PDIA5: variants seen among roughly 807,000 people sequenced by gnomAD.
PDIA5 encodes protein disulfide-isomerase A5.
Under a neutral mutation model 77.6 loss-of-function variants are expected in PDIA5, and 58 were observed. The observed-to-expected ratio is 0.75, with a 90% CI of 0.61 to 0.93. PDIA5 has a LOEUF of 0.93. Among genes scored for constraint, PDIA5 ranks in the 40% least tolerant of loss-of-function variants. The probability of loss-of-function intolerance (pLI) is 0.00; values close to 1 mark genes in which losing one functional copy is unlikely to be tolerated. For synonymous variants in PDIA5, 250 were observed against 252.1 expected (o/e 0.99, Z 0.08); for missense variants, 630 against 647.7 (o/e 0.97, Z 0.30).
chr3:123,072,952 T>TG (rs1560490999), intron 1 of PDIA5, among the ~76,000 whole-genome samples: 1 of 104,378 alleles, frequency 9.6e-6, no homozygotes, highest in African/African-American at 4.1e-5. Context: ...GTATGTGGTG[T>TG]TGTTGTTTTT....
intron 14 of PDIA5, among the ~76,000 whole-genome samples, chr3:123,152,855 CA>C (rs1252871624): frequency 5.9e-5 from 9 of 152,164 alleles, no homozygotes; most frequent in Non-Finnish European, 1.2e-4. Flanking sequence ...CTTCTCAGGC[CA>C]GCTTGGCGGA....
chr3:123,105,731 A>AC (rs1285053975), intron 5 of PDIA5, among the ~76,000 whole-genome samples: 1 of 37,144 alleles, frequency 2.7e-5, no homozygotes, highest in Admixed American at 2.4e-4. Flanking sequence ...ATCTCAGGCC[A>AC]CACACACGCA....
At chr3:123,154,034 A>AG (rs1336176166) in intron 14 of PDIA5, among the ~76,000 whole-genome samples, 1 of 151,858 alleles carries the variant, frequency 6.6e-6, no homozygotes, top group Non-Finnish European at 1.5e-5. Context: ...CTGAGAGAGG[A>AG]GGGGGGTTTG....
intron 8 of PDIA5, among the ~76,000 whole-genome samples, chr3:123,119,354 G>A (rs1332613409): frequency 1.3e-5 from 2 of 152,198 alleles, no homozygotes; most frequent in Admixed American, 6.5e-5. Flanking sequence ...AGTCAGGGGC[G>A]TTGTCTGCAA....
At chr3:123,078,216 A>G (rs770657455) in intron 1 of PDIA5, among the ~76,000 whole-genome samples, 8 of 152,240 alleles carry the variant, frequency 5.3e-5, no homozygotes, top group Non-Finnish European at 7.3e-5. Flanking sequence ...TAGTTATGAA[A>G]AAAACCAAAC....
intron 7 of PDIA5, among the ~76,000 whole-genome samples, chr3:123,115,666 C>A (rs536612918): frequency 1.1e-3 from 162 of 152,350 alleles, no homozygotes; most frequent in African/African-American, 3.6e-3. Context: ...GACGCTCTTC[C>A]CACAGGCCAG....
chr3:123,069,033 G>A (rs143214760), intron 1 of PDIA5, among the ~76,000 whole-genome samples: 7 of 152,200 alleles, frequency 4.6e-5, no homozygotes, highest in Non-Finnish European at 8.8e-5. Flanking sequence ...GAAAGCACTA[G>A]AACCTGGGAG....
intron 1 of PDIA5, among the ~76,000 whole-genome samples, chr3:123,071,988 T>C (rs992488643): frequency 1.3e-5 from 2 of 151,970 alleles, no homozygotes; most frequent in African/African-American, 2.4e-5. Context: ...GGAGTAAGAC[T>C]GAAAAAGTGG....
chr3:123,091,041 G>C (rs747816085), intron 2 of PDIA5, among the ~76,000 whole-genome samples: 31 of 152,138 alleles, frequency 2.0e-4, no homozygotes, highest in African/African-American at 7.2e-4. Context: ...GTTAGGGCAG[G>C]GGGTACTTTA....
chr3:123,129,983 C>G (rs914878248), intron 10 of PDIA5, among the ~76,000 whole-genome samples: 1 of 152,170 alleles, frequency 6.6e-6, no homozygotes, highest in East Asian at 1.9e-4. Flanking sequence ...TAGATCTGAT[C>G]TTTCTGAGAT....
chr3:123,151,734 TCCTG>T (rs67239583), intron 14 of PDIA5, among the ~76,000 whole-genome samples: 5,554 of 111,294 alleles, frequency 0.05, 375 homozygotes, highest in African/African-American at 0.18. Context: ...ACTCCTTCCT[TCCTG>T]CCTGCCTGCC....
At chr3:123,112,536 T>C (rs919754546) in intron 7 of PDIA5, among the ~76,000 whole-genome samples, 1 of 23,204 alleles carries the variant, frequency 4.3e-5, no homozygotes, top group African/African-American at 1.3e-4. Flanking sequence ...GCCCTATTCT[T>C]TTTTTTTTTT....
In PDIA5 at chr3:123,126,864, G is replaced by A. The variant is rs1221310193; in HGVS notation, c.773+2521G>A. Among the ~76,000 whole-genome samples, 4 of 152,244 alleles carry A rather than the reference G, an allele frequency of 2.6e-5. No individual in the cohort carries two copies. The East Asian group carries it at 7.7e-4, about 29-fold the overall frequency. ...GGGAAGGGTGGCACCAGGTGAGGCAGGGCAGGGAGTCAGCCCCTGGCATCT... is the reference window on the plus strand; with the variant it reads ...GGGAAGGGTGGCACCAGGTGAGGCAAGGCAGGGAGTCAGCCCCTGGCATCT... On this transcript the variant is annotated intron_variant, in intron 10 of 16. Coordinates refer to ENST00000316218, the MANE Select transcript of PDIA5 (RefSeq NM_006810.4).
At chr3:123,091,364 G>C (rs189142273) in intron 2 of PDIA5, among the ~76,000 whole-genome samples, 1 of 152,116 alleles carries the variant, frequency 6.6e-6, no homozygotes, top group Non-Finnish European at 1.5e-5. Context: ...GGTTTTTGGC[G>C]GGAGAAAGCA....
chr3:123,151,947 G>T (rs1440799209), intron 14 of PDIA5, among the ~76,000 whole-genome samples: 19 of 118,866 alleles, frequency 1.6e-4, no homozygotes, highest in South Asian at 5.7e-4. Flanking sequence ...CTTCCTGCCT[G>T]CCTTCCTTCC....
At chr3:123,096,200 T>G (rs1934433865) in intron 3 of PDIA5, among the ~76,000 whole-genome samples, 2 of 152,034 alleles carry the variant, frequency 1.3e-5, no homozygotes, top group South Asian at 4.2e-4. Flanking sequence ...CCCCATTGCA[T>G]GGCCCTTTTT....
intron 3 of PDIA5, among the ~76,000 whole-genome samples, chr3:123,101,486 T>G (rs1404634831): frequency 4.6e-5 from 7 of 152,202 alleles, no homozygotes; most frequent in African/African-American, 1.7e-4. Context: ...ATATCCCAGA[T>G]GCCAAGGGAG....
chr3:123,067,374 G>A (rs1170961797), intron 1 of PDIA5, 168 bp downstream of exon 1: 6 of 580,986 alleles, frequency 1.0e-5, no homozygotes, highest in African/African-American at 9.6e-5. Flanking sequence ...GCGGGAGACA[G>A]CGGGCGTCCC....
intron 1 of PDIA5, among the ~76,000 whole-genome samples, chr3:123,088,038 T>C (rs1022312045): frequency 3.9e-5 from 6 of 152,138 alleles, no homozygotes; most frequent in East Asian, 3.9e-4. Flanking sequence ...AAGGTTCAGT[T>C]TGTAGACTTT....
Sources: gnomAD v4.1 joint callset for allele counts (sites outside exome capture counted in the v4.1 genomes callset) on GRCh38, gnomAD v4.1.1 for gene constraint, MANE v1.5 for transcripts, NCBI Gene and HGNC (gene_info 2026-07-23, HGNC 2026-07-21) for gene names.